DBI: variants seen among roughly 807,000 people sequenced by gnomAD.
DBI encodes diazepam binding inhibitor, acyl-CoA binding protein.
Under a neutral mutation model 13.0 loss-of-function variants are expected in DBI, and 12 were observed. The ratio of observed to expected loss-of-function variants is 0.92; its 90% confidence interval spans 0.59 to 1.49. The LOEUF (loss-of-function observed/expected upper bound fraction) is 1.49. Among genes scored for constraint, DBI ranks in the 40% most tolerant of loss-of-function variants. The pLI, the probability that DBI is intolerant of heterozygous loss-of-function variation, is 0.00. For missense variants in DBI, 95 were observed against 104.8 expected, an observed-to-expected ratio of 0.91 and a Z score of 0.41; for synonymous variants, 37 against 37.4, an observed-to-expected ratio of 0.99 and a Z score of 0.04.
chr2:119,367,775 AG>A (rs1395672294), intron 1 of DBI: 1 of 1,609,274 alleles, frequency 6.2e-7, no homozygotes, highest in East Asian at 2.2e-5. Context: ...TCCTCAGGCC[AG>A]GGCTTCGCTG....
chr2:119,367,794 G>A (rs1681157646), intron 1 of DBI: 1 of 1,610,906 alleles, frequency 6.2e-7, no homozygotes, highest in South Asian at 1.1e-5. Context: ...CTGCAGCCCC[G>A]GCCACTCCCT....
chr2:119,368,434 G>C (rs1269476836), intron 2 of DBI, 129 bp downstream of exon 2: 4 of 698,666 alleles, frequency 5.7e-6, no homozygotes, highest in East Asian at 4.9e-5. Context: ...TATGGTGATG[G>C]TTCCTGAGGT....
chr2:119,368,124 G>C, intron 1 of DBI, 64 bp from the exon 2 acceptor site: 1 of 1,523,358 alleles, frequency 6.6e-7, no homozygotes. Flanking sequence ...TCAGGCCACA[G>C]TAGGATTCTT....
intron 3 of DBI, 145 bp from the exon 4 acceptor site, chr2:119,372,100 G>T: frequency 1.6e-6 from 1 of 632,992 alleles, no homozygotes; most frequent in Non-Finnish European, 2.8e-6. Context: ...TGTGGATACT[G>T]TCTCCTGTAA....
intron 1 of DBI, chr2:119,367,689 C>T (rs1406748010): frequency 5.6e-6 from 9 of 1,612,152 alleles, no homozygotes; most frequent in Non-Finnish European, 7.6e-6. Flanking sequence ...AGGGGACCAA[C>T]GGGCTCCGGC....
At chr2:119,370,590 G>T in intron 2 of DBI, 150 bp from the exon 3 acceptor site, 1 of 586,352 alleles carries the variant, frequency 1.7e-6, no homozygotes, top group Non-Finnish European at 2.9e-6. Flanking sequence ...TTTTCTTAGG[G>T]CAGAACCCAC....
At position 119,368,278 on chromosome 2, in the gene DBI, C is replaced by T. The variant is rs781171574; in HGVS notation, c.100C>T (p.Gln34Ter). 2.5e-5 allele frequency: 41 copies of T among 1,613,886 alleles called. No homozygotes were observed. Among genetic ancestry groups the T allele is most frequent in the Non-Finnish European group, 2.9e-5 (34 of 1,179,874 alleles). Reference sequence around the variant, plus strand: ...GCTGTTCATCTATGGCCACTACAAACAAGCAACTGTGGGCGACATAAATAC... The same window carrying T: ...GCTGTTCATCTATGGCCACTACAAATAAGCAACTGTGGGCGACATAAATAC... ...EMLFIYGHYK[Q>*]ATVGDINTER... The change falls in exon 2 of 4, where the codon CAA becomes TAA. Residue 34 changes from glutamine to a stop codon, truncating the protein, a stop_gained. Coordinates refer to ENST00000355857, the MANE Select transcript of DBI (RefSeq NM_001079862.4). LOFTEE classifies it high-confidence loss of function.
rs745845704 is a variant in DBI at position 119,370,721 on chromosome 2, T to G, written c.128-19T>G. Reference sequence around the variant, plus strand: ...TAGAATTTGAACCAGATCTAATGCCTTTTCTTCCCTTGTTTAAGAACGGCC... The same window carrying G: ...TAGAATTTGAACCAGATCTAATGCCGTTTCTTCCCTTGTTTAAGAACGGCC... On this transcript the variant is annotated intron_variant, in intron 2 of 3. Coordinates refer to ENST00000355857, the MANE Select transcript of DBI (RefSeq NM_001079862.4). 5.0e-6 allele frequency: 8 copies of G among 1,611,996 alleles called. No individual in the cohort carries two copies. Among genetic ancestry groups the G allele is most frequent in the Non-Finnish European group, 6.8e-6 (8 of 1,178,848 alleles).
At chr2:119,370,972 A>G (rs1681476390) in intron 3 of DBI, among the ~76,000 whole-genome samples, 170 bp downstream of exon 3, 1 of 152,214 alleles carries the variant, frequency 6.6e-6, no homozygotes, top group African/African-American at 2.4e-5. Context: ...TTTTCTCCTA[A>G]CACCATTTAT....
chr2:119,371,767 C>A (rs1484176702), intron 3 of DBI, among the ~76,000 whole-genome samples: 1 of 152,222 alleles, frequency 6.6e-6, no homozygotes, highest in African/African-American at 2.4e-5. Context: ...TTCTCATAGC[C>A]TCTCTCTGGG....
intron 2 of DBI, among the ~76,000 whole-genome samples, chr2:119,369,443 T>A (rs560012903): frequency 6.6e-6 from 1 of 152,292 alleles, no homozygotes; most frequent in South Asian, 2.1e-4. Context: ...AACATGATAG[T>A]CCAAACACGA....
At chr2:119,367,472 A>G in intron 1 of DBI, 1 of 1,590,792 alleles carries the variant, frequency 6.3e-7, no homozygotes, top group Non-Finnish European at 8.6e-7. Context: ...AGGTCAGGGG[A>G]AGTACGGGGC....
intron 2 of DBI, among the ~76,000 whole-genome samples, chr2:119,369,309 C>G (rs2104690251): frequency 6.6e-6 from 1 of 152,282 alleles, no homozygotes; most frequent in South Asian, 2.1e-4. Context: ...TGTGCCCGTA[C>G]TAGAGTTACC....
Position 119,367,736 on chromosome 2 carries a change from G to A in DBI, c.10-452G>A, listed in dbSNP as rs908534485. The A allele has an allele frequency of 1.9e-6, 3 of 1,607,262 alleles. No individual in the cohort carries two copies. The African/African-American group carries it at 4.0e-5, about 21-fold the overall frequency. ...GGCACTCATGCCCTGTCCCCTTTCA[G>A]CTGTTTCCAGCATACTGTGCCCCGT... On this transcript the variant is annotated intron_variant, in intron 1 of 3. Coordinates refer to ENST00000355857, the MANE Select transcript of DBI (RefSeq NM_001079862.4).
chr2:119,368,098 C>G, intron 1 of DBI, 90 bp from the exon 2 acceptor site: 1 of 1,485,918 alleles, frequency 6.7e-7, no homozygotes, highest in South Asian at 1.1e-5. Context: ...TCTCCATCCC[C>G]GTAACTGGGC....
At chr2:119,367,587 G>C in intron 1 of DBI, 1 of 1,614,112 alleles carries the variant, frequency 6.2e-7, no homozygotes, top group Non-Finnish European at 8.5e-7. Context: ...ACCGAGCTAT[G>C]TGGGGCGACC....
At position 119,368,324 on chromosome 2, in the gene DBI, G is replaced by A; in HGVS notation, c.127+19G>A. Reference sequence around the variant, plus strand: ...AATACAGGTATGCAGAGCGGGGGTTGGAAGGGCATCTGCTCATCAAAGCAG... The same window carrying A: ...AATACAGGTATGCAGAGCGGGGGTTAGAAGGGCATCTGCTCATCAAAGCAG... On this transcript the variant is annotated intron_variant, in intron 2 of 3. Coordinates refer to ENST00000355857, the MANE Select transcript of DBI (RefSeq NM_001079862.4). The A allele has an allele frequency of 6.3e-7, 1 of 1,582,678 alleles. No homozygotes were observed. Among genetic ancestry groups the A allele is most frequent in the Non-Finnish European group, 8.7e-7 (1 of 1,151,406 alleles).
At chr2:119,367,190 G>T in intron 1 of DBI, 130 bp downstream of exon 1, 1 of 1,483,068 alleles carries the variant, frequency 6.7e-7, no homozygotes, top group Non-Finnish European at 8.9e-7. Flanking sequence ...CCCATGCCTA[G>T]CCCTGATTCG....
chr2:119,367,266 A>G (rs1281222201), intron 1 of DBI: 1 of 1,437,358 alleles, frequency 7.0e-7, no homozygotes, highest in Non-Finnish European at 9.1e-7. Flanking sequence ...CCACCCCGCA[A>G]CTGCCGGAAA....
Sources: allele counts gnomAD v4.1 joint callset (sites outside exome capture counted in the v4.1 genomes callset), GRCh38; gene constraint gnomAD v4.1.1; transcripts MANE v1.5; gene names NCBI Gene and HGNC (gene_info 2026-07-23, HGNC 2026-07-21).